ATG2B: variants seen among roughly 807,000 people sequenced by gnomAD.
The protein encoded by ATG2B is autophagy-related protein 2 homolog B.
Under a neutral mutation model 241.3 loss-of-function variants are expected in ATG2B, and 121 were observed. The ratio of observed to expected loss-of-function variants is 0.50; its 90% CI spans 0.43 to 0.58. The LOEUF (loss-of-function observed/expected upper bound fraction) is 0.58, where lower values mean the gene tolerates loss of function less well. Ranked by LOEUF, ATG2B falls within the 20% of genes least tolerant of loss-of-function variation. The pLI is 0.00. For synonymous variants in ATG2B, 858 were observed against 876.6 expected, an observed-to-expected ratio of 0.98 and a Z score of 0.37; for missense variants, 2,306 against 2,491.6, an observed-to-expected ratio of 0.93 and a Z score of 1.59.
At chr14:96,294,447 A>C (rs554835723) in intron 36 of ATG2B, among the ~76,000 whole-genome samples, 4 of 152,338 alleles carry the variant, frequency 2.6e-5, no homozygotes, top group Admixed American at 2.6e-4. Flanking sequence ...GGCAGCAGTC[A>C]CAGCCGACGG....
rs35630598 is a variant in ATG2B at position 96,360,933 on chromosome 14, C to CAAAAA, written c.162+1877_162+1881dup. ...CAAAGCAAGAGAATGAATCCTCTAC[C>CAAAAA]AAAAAAAAAAAAAAAAAAAAATCAA... is the stretch of plus-strand genomic sequence containing the variant. On this transcript the variant is annotated intron_variant, in intron 1 of 41. Coordinates refer to ENST00000359933, the MANE Select transcript of ATG2B (RefSeq NM_018036.7). Among the ~76,000 whole-genome samples the CAAAAA allele has an allele frequency of 2.1e-3, 155 of 73,674 alleles. 3 individuals are homozygous for CAAAAA. The highest frequency in any genetic ancestry group is 0.02 in the East Asian group (57 of 2,802). The allele number at this position is 73,674 out of a possible 152,430, so 48.3% of individuals were successfully genotyped here. A position where few individuals can be genotyped will look rare whatever the true frequency, so the allele number is the denominator to read the frequency against.
rs1887838690 is a variant in ATG2B, at chr14:96,335,215, C to T, written c.925-714G>A. On this transcript the variant is annotated intron_variant, in intron 6 of 41. Transcript: ENST00000359933. ...CATTCTAAAAAGCAGAATATCCCTG[C>T]CTTACTTTTCATTCGCCTCCTCTTA... Among the ~76,000 whole-genome samples, 2 of 152,266 alleles carry T rather than the reference C, an allele frequency of 1.3e-5. 1 individual carries two copies. Among genetic ancestry groups the T allele is most frequent in the African/African-American group, 4.8e-5 (2 of 41,562 alleles).
Position 96,280,042 on chromosome 14 carries a change from A to T in ATG2B, c.*5713T>A, listed in dbSNP as rs1217617852. 1 of 152,226 alleles carries T rather than the reference A, an allele frequency of 6.6e-6. No homozygotes were observed. Among genetic ancestry groups the T allele is most frequent in the Non-Finnish European group, 1.5e-5 (1 of 68,096 alleles). The allele number at this position is 152,226 out of a possible 1,614,324, so 9.4% of individuals were successfully genotyped here. A position where few individuals can be genotyped will look rare whatever the true frequency, so the allele number is the denominator to read the frequency against. The stretch of plus-strand genomic sequence containing the variant: ...CTGTGGTGCAGCATTTATAGAAAGA[A>T]ATCTTCCAGGTGGTGCTAACCCCTA... On this transcript the variant is annotated 3_prime_UTR_variant, in exon 42 of 42. Coordinates refer to ENST00000359933, the MANE Select transcript of ATG2B (RefSeq NM_018036.7).
chr14:96,317,207 T>G lies in ATG2B; in HGVS notation c.3148A>C (p.Ser1050Arg). 6.2e-7 allele frequency: 1 copy of G among 1,613,854 alleles called. No homozygotes were observed. The highest frequency in any genetic ancestry group is 1.3e-5 in the African/African-American group (1 of 75,044). ...ATATTCAGAAGAACTGAGAGAAAACTCTGAGAGTTCTTGTTCTGAGAGTCT... is the reference window on the plus strand; with the variant it reads ...ATATTCAGAAGAACTGAGAGAAAACGCTGAGAGTTCTTGTTCTGAGAGTCT... ...KLDSQNKNSQ[S>R]FLSVLLNINH... Residue 1050 changes from serine (S) to arginine (R), a missense_variant, in exon 20 of 42, where the codon AGT becomes CGT. Around this residue, in one of 2 missense-constraint regions of ATG2B, gnomAD observed 1,927 missense variants for 2,011.2 expected, o/e 0.96. Coordinates refer to ENST00000359933, the MANE Select transcript of ATG2B (RefSeq NM_018036.7).
At chr14:96,297,619 G>A (rs1021873822) in intron 34 of ATG2B, among the ~76,000 whole-genome samples, 1 of 151,916 alleles carries the variant, frequency 6.6e-6, no homozygotes, top group South Asian at 2.1e-4. Context: ...GCTGAGTCTC[G>A]AACCCCTGAC....
At chr14:96,341,735 T>A in intron 5 of ATG2B, 34 bp from the exon 6 acceptor site, 2 of 1,362,112 alleles carry the variant, frequency 1.5e-6, no homozygotes, top group Non-Finnish European at 2.0e-6. Context: ...TTATTTAAAA[T>A]ACTTTCATAT....
chr14:96,358,962 G>C (rs1355222072), intron 1 of ATG2B, among the ~76,000 whole-genome samples: 1 of 152,164 alleles, frequency 6.6e-6, no homozygotes, highest in Non-Finnish European at 1.5e-5. Context: ...TAACACTCTA[G>C]TCTCCAGGTG....
intron 1 of ATG2B, among the ~76,000 whole-genome samples, chr14:96,349,788 C>T (rs1335253167): frequency 6.6e-6 from 1 of 152,046 alleles, no homozygotes; most frequent in African/African-American, 2.4e-5. Context: ...GGTAGAGGTG[C>T]TAAGGAGGAA....
Position 96,303,276 on chromosome 14 carries a change from A to G in ATG2B, c.4843-21T>C, listed in dbSNP as rs746073255. The stretch of plus-strand genomic sequence containing the variant: ...TTCACCTTAACGGGTAAGGAGGAAG[A>G]ACGCGGAACAGTTCTTTACATTCCT... On this transcript the variant is annotated intron_variant, in intron 32 of 41. Coordinates refer to ENST00000359933, the MANE Select transcript of ATG2B (RefSeq NM_018036.7). The G allele has an allele frequency of 2.0e-6, 3 of 1,506,902 alleles. No homozygotes were observed. In the East Asian group the frequency reaches 7.3e-5, roughly 36 times the overall value. The allele number at this position is 1,506,902 out of a possible 1,614,324, so 93.3% of individuals were successfully genotyped here. A position where few individuals can be genotyped will look rare whatever the true frequency, so the allele number is the denominator to read the frequency against.
intron 36 of ATG2B, 50 bp from the exon 37 acceptor site, chr14:96,292,148 G>A (rs2048367705): frequency 8.7e-7 from 1 of 1,143,988 alleles, no homozygotes; most frequent in Non-Finnish European, 1.3e-6. Flanking sequence ...TTACTAATAG[G>A]TGAAATTAGA....
At chr14:96,338,662 T>C (rs1162976369) in intron 6 of ATG2B, among the ~76,000 whole-genome samples, 1 of 152,092 alleles carries the variant, frequency 6.6e-6, no homozygotes. Context: ...AAGATGTAAA[T>C]ATAAGACTTG....
Position 96,305,622 on chromosome 14 carries a change from A to C in ATG2B, c.4700T>G (p.Ile1567Arg), listed in dbSNP as rs2289622. The change falls in exon 31 of 42, where the codon ATA (isoleucine) becomes AGA (arginine). Residue 1567 changes from isoleucine (I) to arginine (R), a missense_variant. Around this residue, in one of 2 missense-constraint regions of ATG2B, gnomAD observed 1,927 missense variants for 2,011.2 expected, o/e 0.96. Transcript: ENST00000359933. ...WHLYGGKDFG[I>R]VPPTSPAKSY... ...TTTAGCCGGAGAAGTGGGAGGGACT[A>C]TTCCAAAATCCTTTCCTCCATAAAG... 1.2e-6 allele frequency: 2 copies of C among 1,613,964 alleles called. No individual in the cohort carries two copies. The highest frequency in any genetic ancestry group is 8.5e-7 in the Non-Finnish European group (1 of 1,179,858).
chr14:96,340,120 AAT>A (rs1184607237), intron 6 of ATG2B, among the ~76,000 whole-genome samples: 2 of 9,226 alleles, frequency 2.2e-4, no homozygotes, highest in African/African-American at 4.3e-4. Flanking sequence ...GATATATATG[AAT>A]ATATATATCA....
chr14:96,290,164 T>A lies in ATG2B; in HGVS notation c.5856+272A>T. 7.9e-7 allele frequency: 1 copy of A among 1,266,920 alleles called. No homozygotes were observed. The highest frequency in any genetic ancestry group is 2.2e-5 in the South Asian group (1 of 45,892). The allele number at this position is 1,266,920 out of a possible 1,614,324, so 78.5% of individuals were successfully genotyped here. On this transcript the variant is annotated intron_variant, in intron 40 of 41. Transcript: ENST00000359933. The surrounding 1 kb of genome is among the most constrained non-coding windows in gnomAD (Gnocchi z 4.4). ...TTCAAATTTAGCTACGATCCTTTCA[T>A]ACAAATATGGTGAAATCAATCCTCT... is the stretch of plus-strand genomic sequence containing the variant.
Position 96,323,930 on chromosome 14 carries a change from C to G in ATG2B, c.2506G>C (p.Asp836His), listed in dbSNP as rs776084317. Residue 836 changes from aspartate to histidine, a missense_variant, in exon 16 of 42, where the codon GAT becomes CAT. By Grantham distance (81) the Asp-to-His change is moderately conservative (BLOSUM62 -1). This residue lies in a region of ATG2B where 1,927 missense variants were observed against 2,011.2 expected (regional missense o/e 0.96). Transcript: ENST00000359933. ...FFHVSSGVDG[D>H]TTSSDDFDWP... is the part of the protein sequence containing the mutation. The stretch of plus-strand genomic sequence containing the variant: ...TCAAAGTCATCTGACGATGTTGTAT[C>G]TCCATCTACTCCACTAGACACATGG... 1 of 1,612,112 alleles carries G rather than the reference C, an allele frequency of 6.2e-7. No individual in the cohort carries two copies. Among genetic ancestry groups the G allele is most frequent in the Non-Finnish European group, 8.5e-7 (1 of 1,179,290 alleles).
intron 1 of ATG2B, among the ~76,000 whole-genome samples, chr14:96,352,282 A>C (rs966296252): frequency 2.6e-5 from 4 of 152,220 alleles, no homozygotes; most frequent in Non-Finnish European, 5.9e-5. Flanking sequence ...TACACAGTAC[A>C]TAATACTCGA....
intron 41 of ATG2B, among the ~76,000 whole-genome samples, chr14:96,287,864 G>A (rs942350468): frequency 6.6e-6 from 1 of 152,132 alleles, no homozygotes; most frequent in Non-Finnish European, 1.5e-5. Context: ...CCATACAAAA[G>A]AGGCATGGCT....
Position 96,325,798 on chromosome 14 carries a change from G to A in ATG2B, c.2288C>T (p.Ser763Phe), listed in dbSNP as rs750152325. 6.2e-7 allele frequency: 1 copy of A among 1,613,994 alleles called. No individual in the cohort carries two copies. Among genetic ancestry groups the A allele is most frequent in the South Asian group, 1.1e-5 (1 of 91,080 alleles). ...SVRFPIPDLR[S>F]DQERGPWFKK... ...AAACCATGGTCCTCTTTCTTGATCA[G>A]ATCGAAGATCAGGTATTGGGAAGCG... Residue 763 changes from serine to phenylalanine, a missense_variant, in exon 15 of 42, where the codon TCT becomes TTT. Ser to Phe is a radical substitution (Grantham distance 155). Around this residue, in one of 2 missense-constraint regions of ATG2B, gnomAD observed 1,927 missense variants for 2,011.2 expected, o/e 0.96. Transcript: ENST00000359933.
intron 1 of ATG2B, among the ~76,000 whole-genome samples, chr14:96,352,522 G>A (rs1217007851): frequency 6.6e-6 from 1 of 151,974 alleles, no homozygotes; most frequent in Admixed American, 6.6e-5. Context: ...AAGATGTGGA[G>A]GTAGAAGGTG....
Sources: gnomAD v4.1 joint callset for allele counts (sites outside exome capture counted in the v4.1 genomes callset) on GRCh38, gnomAD v4.1.1 for gene constraint, gnomAD v4.1.1 regional missense constraint, Gnocchi (gnomAD v3.1) non-coding constraint, MANE v1.5 for transcripts, NCBI Gene and HGNC (gene_info 2026-07-23, HGNC 2026-07-21) for gene names.